Variants in PCDHA3 observed in about 807,000 individuals in gnomAD.
PCDHA3 encodes protocadherin alpha 3.
Under a neutral mutation model 62.2 loss-of-function variants are expected in PCDHA3, and 41 were observed. That is an observed-to-expected ratio of 0.66 (90% confidence interval 0.51 to 0.86). The LOEUF is 0.86. PCDHA3 is among the 40% of genes least tolerant of loss of function. The pLI, the probability that PCDHA3 is intolerant of heterozygous loss-of-function variation, is 0.00. For synonymous variants in PCDHA3, 640 were observed against 555.4 expected (o/e 1.15, Z -2.14); for missense variants, 1,304 against 1,241.2 (o/e 1.05, Z -0.76).
rs1554262827 is a variant in PCDHA3 at position 141,010,253 on chromosome 5, C to A, written c.*316C>A. The A allele has an allele frequency of 3.2e-6, 5 of 1,551,834 alleles. No homozygotes were observed. The highest frequency in any genetic ancestry group is 1.7e-4 in the Middle Eastern group (1 of 5,990). On this transcript the variant is annotated 3_prime_UTR_variant, in exon 4 of 4. Transcript: ENST00000522353. ...CGCCAGTGAGAGGTTGGACTCTCTG[C>A]CCTGTGCTCCGGGGATCCTGTCTTG...
intron 1 of PCDHA3, among the ~76,000 whole-genome samples, chr5:140,956,002 C>T (rs2095246908): frequency 6.6e-6 from 1 of 152,124 alleles, no homozygotes; most frequent in Admixed American, 6.5e-5. Context: ...GATTTTGTAT[C>T]CTGAGACTTT....
At chr5:140,848,599 T>C (rs2150414040) in intron 1 of PCDHA3, 1 of 1,593,694 alleles carries the variant, frequency 6.3e-7, no homozygotes, top group Non-Finnish European at 8.6e-7. Context: ...CACTACTCCG[T>C]CCCGGAGGAA....
At chr5:140,893,264 A>G (rs1554185566) in intron 1 of PCDHA3, among the ~76,000 whole-genome samples, 1 of 152,172 alleles carries the variant, frequency 6.6e-6, no homozygotes, top group East Asian at 1.9e-4. Flanking sequence ...ATAAATGCCC[A>G]ATAGTGGAAT....
At chr5:140,966,477 T>C in intron 1 of PCDHA3, 1 of 432,754 alleles carries the variant, frequency 2.3e-6, no homozygotes, top group Non-Finnish European at 4.0e-6. Context: ...TTCTGTTTCC[T>C]TTTCCCTCCC....
At chr5:140,967,171 G>A (rs181864889) in intron 1 of PCDHA3, 2 of 1,611,944 alleles carry the variant, frequency 1.2e-6, no homozygotes, top group Non-Finnish European at 8.5e-7. Flanking sequence ...GCGCCGTTGA[G>A]GTGGAAATAT....
intron 1 of PCDHA3, chr5:140,862,920 G>A (rs2047655483): frequency 3.6e-6 from 2 of 548,666 alleles, no homozygotes; most frequent in African/African-American, 3.8e-5. Flanking sequence ...CGCCTTGGGT[G>A]GGCTGGCGGC....
At chr5:140,809,031 C>G (rs1554124952) in intron 1 of PCDHA3, 2 of 1,613,858 alleles carry the variant, frequency 1.2e-6, no homozygotes, top group Non-Finnish European at 1.7e-6. Context: ...CAGCCGGGGA[C>G]TGGTGGCGCG....
intron 1 of PCDHA3, among the ~76,000 whole-genome samples, chr5:140,910,213 G>A (rs1375224674): frequency 6.6e-6 from 1 of 152,170 alleles, no homozygotes; most frequent in South Asian, 2.1e-4. Context: ...TGACCTGGAA[G>A]TTTTCTGCTT....
At position 140,813,701 on chromosome 5, in the gene PCDHA3, T is replaced by A. The variant is rs1357326463; in HGVS notation, c.2394+10110T>A. The A allele has an allele frequency of 2.6e-5, 4 of 152,292 alleles. No individual in the cohort carries two copies. In the East Asian group the frequency reaches 7.7e-4, roughly 29 times the overall value. 9.4% of individuals were successfully genotyped at this position (152,292 alleles called of 1,614,324 possible). A position where few individuals can be genotyped will look rare whatever the true frequency, so the allele number is the denominator to read the frequency against. ...AGGCTACACTCAATTTATCAAAAAA[T>A]TTTCTTTTTACAGGCTGGTCATGGT... On this transcript the variant is annotated intron_variant, in intron 1 of 3. Transcript: ENST00000522353.
At chr5:140,871,350 C>G (rs782168219) in intron 1 of PCDHA3, 1 of 1,614,194 alleles carries the variant, frequency 6.2e-7, no homozygotes, top group East Asian at 2.2e-5. Context: ...GCTGGTCATA[C>G]TCGCAGCAGA....
intron 1 of PCDHA3, chr5:140,836,648 G>A (rs2150266786): frequency 1.4e-5 from 22 of 1,613,364 alleles, no homozygotes; most frequent in Non-Finnish European, 1.8e-5. Flanking sequence ...AGCAGAGGCG[G>A]CAGAGGGTGT....
In PCDHA3 at chr5:140,856,281, T is replaced by C. The variant is rs782635462; in HGVS notation, c.2394+52690T>C. On this transcript the variant is annotated intron_variant, in intron 1 of 3. Transcript: ENST00000522353. The stretch of plus-strand genomic sequence containing the variant: ...CACGGGGACCTTCTGGAGGTAAATC[T>C]GCAGAATGGCATTTTGTTTGTGAAT... 8.1e-6 allele frequency: 13 copies of C among 1,598,288 alleles called. 1 individual carries two copies. Among genetic ancestry groups the C allele is most frequent in the Non-Finnish European group, 1.1e-5 (13 of 1,168,008 alleles).
chr5:141,000,359 CTG>C (rs1554257257), intron 3 of PCDHA3, among the ~76,000 whole-genome samples: 2 of 78,146 alleles, frequency 2.6e-5, no homozygotes, highest in South Asian at 4.6e-4. Context: ...CTGTCTCTCT[CTG>C]TCTCTCTCTC....
chr5:140,876,454 C>A, intron 1 of PCDHA3: 2 of 1,613,996 alleles, frequency 1.2e-6, no homozygotes, highest in Non-Finnish European at 1.7e-6. Context: ...TAAAGGGATT[C>A]CTTCCATGGC....
intron 3 of PCDHA3, among the ~76,000 whole-genome samples, chr5:141,002,613 A>G (rs1587992392): frequency 1.3e-5 from 2 of 152,206 alleles, no homozygotes; most frequent in African/African-American, 4.8e-5. Context: ...AAACAGACAC[A>G]TAACACAGAC....
intron 1 of PCDHA3, chr5:140,864,371 G>C (rs1005201982): frequency 6.6e-6 from 1 of 151,926 alleles, no homozygotes; most frequent in Non-Finnish European, 1.5e-5. Context: ...TTCTATAATC[G>C]ATAAGTTTAT....
intron 1 of PCDHA3, among the ~76,000 whole-genome samples, chr5:140,973,426 C>T (rs1554235288): frequency 6.6e-6 from 1 of 152,192 alleles, no homozygotes; most frequent in East Asian, 1.9e-4. Flanking sequence ...GTTTTTCATC[C>T]TCTGATGGTC....
At chr5:140,805,775 A>G in intron 1 of PCDHA3, 1 of 200,574 alleles carries the variant, frequency 5.0e-6, no homozygotes, top group Non-Finnish European at 8.9e-6. Context: ...GGAAATGTCT[A>G]GAGACTTTTT....
chr5:140,962,825 G>A (rs962485906), intron 1 of PCDHA3, among the ~76,000 whole-genome samples: 1 of 152,194 alleles, frequency 6.6e-6, no homozygotes, highest in Non-Finnish European at 1.5e-5. Flanking sequence ...ATGACCATTT[G>A]TCTCTTTTTT....
Sources: allele counts gnomAD v4.1 joint callset (sites outside exome capture counted in the v4.1 genomes callset), GRCh38; gene constraint gnomAD v4.1.1; transcripts MANE v1.5; gene names NCBI Gene and HGNC (gene_info 2026-07-23, HGNC 2026-07-21).